C2orf92: variants seen among roughly 807,000 people sequenced by gnomAD.
C2orf92 encodes the protein chromosome 2 open reading frame 92.
At chr2:97,702,089 G>A (rs1676513981) in intron 7 of C2orf92, 2 of 152,364 alleles carry the variant, frequency 1.3e-5, no homozygotes, top group African/African-American at 4.8e-5. Flanking sequence ...ACAGAAGGAA[G>A]AGCAGCTCCC....
At chr2:97,669,654 G>A, upstream of C2orf92, 1 of 393,742 alleles carries the variant, frequency 2.5e-6, no homozygotes, top group Non-Finnish European at 4.5e-6. Flanking sequence ...TCATGGTTGA[G>A]CAGGCTCCAC....
At chr2:97,689,865 A>G (rs932725938) in intron 4 of C2orf92, among the ~76,000 whole-genome samples, 2 of 152,324 alleles carry the variant, frequency 1.3e-5, no homozygotes, top group Admixed American at 1.3e-4. Flanking sequence ...GCGGTGGCTC[A>G]CACCTGTAAT....
chr2:97,687,430 A>C (rs1287236683), intron 3 of C2orf92, among the ~76,000 whole-genome samples: 3 of 152,180 alleles, frequency 2.0e-5, no homozygotes, highest in Non-Finnish European at 2.9e-5. Flanking sequence ...CCACCACCAC[A>C]ACAAAGCAAA....
intron 5 of C2orf92, among the ~76,000 whole-genome samples, chr2:97,697,765 T>C (rs961751550): frequency 3.3e-5 from 5 of 152,148 alleles, no homozygotes; most frequent in Admixed American, 2.0e-4. Context: ...TCTCGCTCTG[T>C]TACCTGGGCT....
chr2:97,671,746 A>C (rs1296812808), intron 1 of C2orf92: 5 of 353,034 alleles, frequency 1.4e-5, no homozygotes, highest in Non-Finnish European at 2.5e-5. Flanking sequence ...GCGGCGTCAG[A>C]TGCCACCTCA....
chr2:97,682,284 T>C (rs1675801669), intron 3 of C2orf92, among the ~76,000 whole-genome samples: 1 of 152,152 alleles, frequency 6.6e-6, no homozygotes, highest in African/African-American at 2.4e-5. Context: ...AAAATCTGAA[T>C]AGACACATAA....
chr2:97,668,189 T>C (rs1675298589), upstream of C2orf92: 1 of 152,176 alleles, frequency 6.6e-6, no homozygotes, highest in African/African-American at 2.4e-5. Context: ...TATTTTTTAT[T>C]CTAGTTTTTG....
chr2:97,670,882 G>A (rs967129190), intron 1 of C2orf92: 1 of 152,108 alleles, frequency 6.6e-6, no homozygotes, highest in African/African-American at 2.4e-5. Context: ...CCTTTACAAA[G>A]TATATAATTC....
At chr2:97,680,597 G>C (rs1675735993) in intron 3 of C2orf92, among the ~76,000 whole-genome samples, 1 of 152,158 alleles carries the variant, frequency 6.6e-6, no homozygotes, top group African/African-American at 2.4e-5. Flanking sequence ...AGGATAGTTG[G>C]AGACTTCAGT....
intron 3 of C2orf92, among the ~76,000 whole-genome samples, chr2:97,682,116 T>C (rs531778009): frequency 6.6e-6 from 1 of 152,142 alleles, no homozygotes; most frequent in African/African-American, 2.4e-5. Flanking sequence ...AATTCAGAAA[T>C]TAGAGTGGGA....
At chr2:97,680,075 A>G (rs1451500851) in intron 3 of C2orf92, among the ~76,000 whole-genome samples, 1 of 151,900 alleles carries the variant, frequency 6.6e-6, no homozygotes, top group African/African-American at 2.4e-5. Context: ...CAAGGTGGGC[A>G]GATCACTTAA....
intron 4 of C2orf92, among the ~76,000 whole-genome samples, 186 bp downstream of exon 4, chr2:97,689,179 G>A (rs1676052874): frequency 3.9e-5 from 6 of 152,182 alleles, no homozygotes; most frequent in Admixed American, 3.9e-4. Context: ...TATGGAATCT[G>A]TGCTCCAAAG....
chr2:97,701,699 A>G (rs1676501892), intron 7 of C2orf92, among the ~76,000 whole-genome samples: 1 of 152,256 alleles, frequency 6.6e-6, no homozygotes, highest in Admixed American at 6.5e-5. Context: ...GAGTGAGAGC[A>G]GGGCTGATAT....
chr2:97,693,156 A>G (rs1310584788), intron 5 of C2orf92, among the ~76,000 whole-genome samples: 1 of 152,158 alleles, frequency 6.6e-6, no homozygotes, highest in South Asian at 2.1e-4. Flanking sequence ...ATATGACAGA[A>G]TTTCCTTTCT....
At chr2:97,700,641 GATGAATGCAT>G (rs1373463901) in intron 6 of C2orf92, among the ~76,000 whole-genome samples, 1 of 151,980 alleles carries the variant, frequency 6.6e-6, no homozygotes, top group African/African-American at 2.4e-5. Flanking sequence ...CCAAATAGCA[GATGAATGCAT>G]ATGAATGCAT....
chr2:97,685,251 T>C (rs570894546), intron 3 of C2orf92, among the ~76,000 whole-genome samples: 6 of 150,490 alleles, frequency 4.0e-5, no homozygotes, highest in Admixed American at 2.0e-4. Flanking sequence ...TTTGGTTTTT[T>C]TCTTTCTTTC....
chr2:97,685,982 T>G (rs1675947879), intron 3 of C2orf92, among the ~76,000 whole-genome samples: 1 of 152,234 alleles, frequency 6.6e-6, no homozygotes, highest in African/African-American at 2.4e-5. Flanking sequence ...GTCCATTTTG[T>G]GCTGTTATAA....
intron 2 of C2orf92, 120 bp downstream of exon 2, chr2:97,674,677 C>G (rs1675519263): frequency 1.8e-5 from 7 of 394,894 alleles, no homozygotes; most frequent in Non-Finnish European, 2.7e-5. Context: ...GGAGGGGGTG[C>G]AAAGCCAAAC....
intron 1 of C2orf92, among the ~76,000 whole-genome samples, chr2:97,672,655 G>A (rs896928693): frequency 6.6e-6 from 1 of 151,808 alleles, no homozygotes; most frequent in Admixed American, 6.6e-5. Flanking sequence ...GACCAGCCCA[G>A]CTCACACCAG....
Sources: gnomAD v4.1 joint callset for allele counts (sites outside exome capture counted in the v4.1 genomes callset) on GRCh38, gnomAD v4.1.1 for gene constraint, MANE v1.5 for transcripts, NCBI Gene and HGNC (gene_info 2026-07-23, HGNC 2026-07-21) for gene names.